PRKCH: variants seen among roughly 807,000 people sequenced by gnomAD.
PRKCH encodes the protein protein kinase C eta.
In PRKCH, 28 loss-of-function variants were observed where a neutral mutation model predicts 82.5. The observed-to-expected ratio is 0.34, with a 90% CI of 0.25 to 0.47. The LOEUF (loss-of-function observed/expected upper bound fraction) is 0.47. Ranked by LOEUF, PRKCH falls within the 20% of genes least tolerant of loss-of-function variation. The pLI is 1.00. For missense variants in PRKCH, 705 were observed against 881.8 expected, an observed-to-expected ratio of 0.80 and a Z score of 2.54; for synonymous variants, 322 against 327.4, an observed-to-expected ratio of 0.98 and a Z score of 0.18.
At chr14:61,279,596 G>A (rs1388219479) in intron 1 of PRKCH, 1 of 154,060 alleles carries the variant, frequency 6.5e-6, no homozygotes, top group Non-Finnish European at 1.4e-5. Context: ...ACGCCTCCAC[G>A]TCTCTGCAGG....
At chr14:61,453,425 A>G in intron 7 of PRKCH, 72 bp downstream of exon 7, 17 of 1,512,296 alleles carry the variant, frequency 1.1e-5, no homozygotes, top group Non-Finnish European at 1.5e-5. Flanking sequence ...AAATGAGAGC[A>G]TGTGGCCTCA....
chr14:61,474,896 G>C (rs966441112), intron 9 of PRKCH, among the ~76,000 whole-genome samples: 16 of 152,262 alleles, frequency 1.1e-4, no homozygotes, highest in Admixed American at 5.9e-4. Flanking sequence ...CTGCAGACAG[G>C]GGGAGAGGAA....
intron 12 of PRKCH, among the ~76,000 whole-genome samples, chr14:61,535,234 T>G (rs1160438348): frequency 2.0e-5 from 3 of 152,090 alleles, no homozygotes; most frequent in African/African-American, 7.2e-5. Flanking sequence ...AGGAATTCAG[T>G]GATGAGTGAG....
At chr14:61,245,538 A>T (rs1188907305) in intron 1 of PRKCH, among the ~76,000 whole-genome samples, 2 of 152,202 alleles carry the variant, frequency 1.3e-5, no homozygotes, top group African/African-American at 4.8e-5. Context: ...GAGACAGAGG[A>T]GCGCCCAAGG....
intron 10 of PRKCH, among the ~76,000 whole-genome samples, chr14:61,497,944 T>G (rs1886740827): frequency 1.3e-5 from 2 of 152,186 alleles, no homozygotes; most frequent in South Asian, 4.1e-4. Context: ...ATTTTTATTT[T>G]CTTTTTGATG....
rs184554310 is a variant in PRKCH at position 61,328,351 on chromosome 14, T to A, written c.363+5887T>A. Among the ~76,000 whole-genome samples the A allele has an allele frequency of 2.4e-3, 317 of 134,296 alleles. 1 individual carries two copies. Among genetic ancestry groups the A allele is most frequent in the African/African-American group, 8.2e-3 (302 of 36,928 alleles). The allele number at this position is 134,296 out of a possible 152,430, so 88.1% of individuals were successfully genotyped here. A position where few individuals can be genotyped will look rare whatever the true frequency, so the allele number is the denominator to read the frequency against. On this transcript the variant is annotated intron_variant, in intron 1 of 13. Coordinates refer to ENST00000332981, the MANE Select transcript of PRKCH (RefSeq NM_006255.5). ...ATTGAAAACCTTGTGTATGGAAAAT[T>A]CCCTGCTCTTACGTCATTTTAAAAG...
chr14:61,268,162 A>G (rs1179709450), intron 1 of PRKCH, among the ~76,000 whole-genome samples: 1 of 152,066 alleles, frequency 6.6e-6, no homozygotes, highest in Non-Finnish European at 1.5e-5. Context: ...CTACATCCTG[A>G]CCATTACCTG....
intron 10 of PRKCH, among the ~76,000 whole-genome samples, chr14:61,520,118 A>G (rs2042884764): frequency 6.6e-6 from 1 of 152,060 alleles, no homozygotes; most frequent in African/African-American, 2.4e-5. Context: ...TAGAATATGT[A>G]AACACATTTT....
At chr14:61,483,057 T>C (rs1594752393) in intron 9 of PRKCH, among the ~76,000 whole-genome samples, 1 of 152,224 alleles carries the variant, frequency 6.6e-6, no homozygotes, top group South Asian at 2.1e-4. Context: ...AACAGGCTGG[T>C]TAACGAAAAC....
intron 1 of PRKCH, among the ~76,000 whole-genome samples, chr14:61,262,228 A>AG (rs1392060794): frequency 6.6e-6 from 1 of 151,462 alleles, no homozygotes; most frequent in African/African-American, 2.4e-5. Context: ...ATAAAAAAAA[A>AG]AAAAGAATAT....
chr14:61,459,107 G>A (rs1884915703), intron 9 of PRKCH, among the ~76,000 whole-genome samples: 1 of 152,214 alleles, frequency 6.6e-6, no homozygotes, highest in African/African-American at 2.4e-5. Context: ...TATCAATGAA[G>A]AGGGAAAATG....
chr14:61,317,484 G>A (rs908938015), upstream of PRKCH, among the ~76,000 whole-genome samples: 12 of 152,198 alleles, frequency 7.9e-5, no homozygotes, highest in African/African-American at 2.9e-4. Flanking sequence ...TTGTTGCCCA[G>A]GCTGGTCTTG....
At chr14:61,254,190 T>G (rs2140075067) in intron 1 of PRKCH, among the ~76,000 whole-genome samples, 1 of 152,266 alleles carries the variant, frequency 6.6e-6, no homozygotes, top group South Asian at 2.1e-4. Flanking sequence ...TTCTAAAAGC[T>G]GTTTGCTAAC....
chr14:61,294,121 A>AT (rs1255644987), intron 1 of PRKCH, among the ~76,000 whole-genome samples: 11 of 149,078 alleles, frequency 7.4e-5, no homozygotes, highest in African/African-American at 2.7e-4. Context: ...TTTTATTTTT[A>AT]TTTTTATTTT....
At chr14:61,469,690 T>G (rs1885412023) in intron 9 of PRKCH, among the ~76,000 whole-genome samples, 1 of 152,204 alleles carries the variant, frequency 6.6e-6, no homozygotes, top group South Asian at 2.1e-4. Context: ...AATTACTTAA[T>G]CTCTGCTGAG....
chr14:61,483,828 G>A (rs539802360), intron 9 of PRKCH, among the ~76,000 whole-genome samples: 1 of 152,166 alleles, frequency 6.6e-6, no homozygotes, highest in Non-Finnish European at 1.5e-5. Flanking sequence ...TGGGAGTATT[G>A]CTTGAGCTCA....
intron 10 of PRKCH, among the ~76,000 whole-genome samples, chr14:61,504,518 G>T (rs1887054835): frequency 6.6e-6 from 1 of 152,108 alleles, no homozygotes; most frequent in Non-Finnish European, 1.5e-5. Flanking sequence ...GCGGTACACT[G>T]CATGGTCATC....
chr14:61,264,079 A>G (rs1397726877), intron 1 of PRKCH, among the ~76,000 whole-genome samples: 1 of 152,118 alleles, frequency 6.6e-6, no homozygotes, highest in South Asian at 2.1e-4. Flanking sequence ...TCAGGATGCC[A>G]TTATAGCCAA....
upstream of PRKCH, among the ~76,000 whole-genome samples, chr14:61,319,394 G>T (rs2140114281): frequency 6.6e-6 from 1 of 152,100 alleles, no homozygotes; most frequent in Middle Eastern, 3.4e-3. Flanking sequence ...CCTCCTTGTG[G>T]GACTGTAAGC....
Sources: allele counts gnomAD v4.1 joint callset (sites outside exome capture counted in the v4.1 genomes callset), GRCh38; gene constraint gnomAD v4.1.1; transcripts MANE v1.5; gene names NCBI Gene and HGNC (gene_info 2026-07-23, HGNC 2026-07-21).